Variants in LURAP1L observed in about 807,000 individuals in gnomAD.
LURAP1L encodes the protein leucine rich adaptor protein 1 like.
LURAP1L carries 12 observed loss-of-function variants against 13.8 expected under a neutral mutation model. The ratio of observed to expected loss-of-function variants is 0.87; its 90% confidence interval spans 0.56 to 1.41. LURAP1L has a LOEUF of 1.41. Among genes scored for constraint, LURAP1L ranks in the 40% most tolerant of loss-of-function variants. The probability of loss-of-function intolerance (pLI) is 0.00; values close to 1 mark genes in which losing one functional copy is unlikely to be tolerated. For missense variants in LURAP1L, 375 were observed against 292.9 expected (o/e 1.28, Z -2.04); for synonymous variants, 139 against 119.2 (o/e 1.17, Z -1.08).
chr9:12,784,927 T>C (rs1819328711), intron 1 of LURAP1L, among the ~76,000 whole-genome samples: 1 of 152,022 alleles, frequency 6.6e-6, no homozygotes, highest in Non-Finnish European at 1.5e-5. Context: ...ACCCAAATTC[T>C]GAGTCAAAGT....
chr9:12,788,340 T>C (rs1309574050), intron 1 of LURAP1L, among the ~76,000 whole-genome samples: 2 of 151,870 alleles, frequency 1.3e-5, no homozygotes, highest in Non-Finnish European at 2.9e-5. Flanking sequence ...GGCACTCTTC[T>C]GCACTACTGC....
intron 1 of LURAP1L, among the ~76,000 whole-genome samples, chr9:12,780,710 C>T (rs559283448): frequency 2.7e-5 from 4 of 148,158 alleles, no homozygotes; most frequent in Non-Finnish European, 5.9e-5. Context: ...ACCAATGGAT[C>T]TTTTGGCATT....
At chr9:12,812,216 G>A (rs1819746258) in intron 1 of LURAP1L, among the ~76,000 whole-genome samples, 1 of 152,208 alleles carries the variant, frequency 6.6e-6, no homozygotes, top group African/African-American at 2.4e-5. Context: ...ACGTAAGGAT[G>A]TAGATACCAG....
intron 1 of LURAP1L, among the ~76,000 whole-genome samples, chr9:12,821,067 G>A (rs1463386075): frequency 6.6e-6 from 1 of 152,010 alleles, no homozygotes; most frequent in Non-Finnish European, 1.5e-5. Context: ...ACTTAATCTG[G>A]CCAAAGAGAA....
intron 1 of LURAP1L, chr9:12,790,729 G>T (rs1819429344): frequency 6.6e-6 from 1 of 150,538 alleles, no homozygotes; most frequent in Non-Finnish European, 1.5e-5. Context: ...GAAGAGTAGA[G>T]AAATGAAAGG....
intron 1 of LURAP1L, 66 bp downstream of exon 1, chr9:12,776,093 G>C: frequency 6.7e-7 from 1 of 1,497,694 alleles, no homozygotes; most frequent in Non-Finnish European, 9.2e-7. Flanking sequence ...GGCGATCTGA[G>C]AATGGGGCTG....
chr9:12,803,094 T>C (rs897918898), intron 1 of LURAP1L, among the ~76,000 whole-genome samples: 1 of 152,240 alleles, frequency 6.6e-6, no homozygotes, highest in Admixed American at 6.5e-5. Flanking sequence ...CATATGTTTA[T>C]TGCTTTTCCA....
chr9:12,809,920 T>C (rs187020548), intron 1 of LURAP1L, among the ~76,000 whole-genome samples: 2 of 152,314 alleles, frequency 1.3e-5, no homozygotes, highest in Non-Finnish European at 2.9e-5. Flanking sequence ...TGTAATCCCC[T>C]GTTATTATAC....
rs561348248 is a variant in LURAP1L, at chr9:12,775,612, C to T, written c.-104C>T. Reference sequence around the variant, plus strand: ...ACACCGGAGCGGCGGAGGATAGAGACCCTGGCCCCCGGAGAGGTCTGCTGA... The same window carrying T: ...ACACCGGAGCGGCGGAGGATAGAGATCCTGGCCCCCGGAGAGGTCTGCTGA... On this transcript the variant is annotated 5_prime_UTR_variant, in exon 1 of 2. Transcript: ENST00000319264. 6.1e-6 allele frequency: 9 copies of T among 1,463,638 alleles called. No homozygotes were observed. In the African/African-American group the frequency reaches 1.1e-4, roughly 18 times the overall value. 90.7% of individuals were successfully genotyped at this position (1,463,638 alleles called of 1,614,324 possible). A position where few individuals can be genotyped will look rare whatever the true frequency, so the allele number is the denominator to read the frequency against.
chr9:12,822,606 T>C lies in LURAP1L; in HGVS notation c.*846T>C, dbSNP rs1012863798. ...ACTTAGATGCATACAAGCCGATGGA[T>C]AGAAAGACAGATAAATATCCCGATA... On this transcript the variant is annotated 3_prime_UTR_variant, in exon 2 of 2. Transcript: ENST00000319264. 6.6e-6 allele frequency among the ~76,000 whole-genome samples: 1 copy of C among 152,178 alleles called. No individual in the cohort carries two copies. The highest frequency in any genetic ancestry group is 2.1e-4 in the South Asian group (1 of 4,836).
chr9:12,790,347 T>C (rs1314368596), intron 1 of LURAP1L, among the ~76,000 whole-genome samples: 1 of 152,182 alleles, frequency 6.6e-6, no homozygotes, highest in African/African-American at 2.4e-5. Context: ...GGCCAATTAT[T>C]GAGGGACTAA....
intron 1 of LURAP1L, among the ~76,000 whole-genome samples, chr9:12,799,745 G>A (rs974684802): frequency 2.6e-5 from 4 of 152,030 alleles, no homozygotes; most frequent in African/African-American, 9.7e-5. Flanking sequence ...CAGGTGGCAG[G>A]CGTCTGTAGC....
chr9:12,820,087 C>T (rs1170302474), intron 1 of LURAP1L, among the ~76,000 whole-genome samples: 1 of 152,142 alleles, frequency 6.6e-6, no homozygotes, highest in Non-Finnish European at 1.5e-5. Flanking sequence ...CTTACAGCAC[C>T]ACCTCCCCAA....
intron 1 of LURAP1L, among the ~76,000 whole-genome samples, chr9:12,818,392 A>G (rs184475004): frequency 1.3e-5 from 2 of 152,320 alleles, no homozygotes; most frequent in Admixed American, 1.3e-4. Flanking sequence ...ACAGTTCCTA[A>G]AATTATGGCT....
chr9:12,799,640 G>C (rs755201891), intron 1 of LURAP1L, among the ~76,000 whole-genome samples: 1 of 152,106 alleles, frequency 6.6e-6, no homozygotes, highest in Non-Finnish European at 1.5e-5. Context: ...CAGCACTTTG[G>C]GAGGCCGAGG....
intron 1 of LURAP1L, among the ~76,000 whole-genome samples, chr9:12,785,710 T>C (rs1285579516): frequency 2.6e-5 from 4 of 152,146 alleles, no homozygotes; most frequent in Non-Finnish European, 5.9e-5. Flanking sequence ...CAGATATTCT[T>C]CTCTCTCTGC....
intron 1 of LURAP1L, among the ~76,000 whole-genome samples, chr9:12,787,329 G>A (rs1819370622): frequency 6.6e-6 from 1 of 151,878 alleles, no homozygotes; most frequent in South Asian, 2.1e-4. Flanking sequence ...CATTTGTATA[G>A]GTATATATAT....
intron 1 of LURAP1L, among the ~76,000 whole-genome samples, chr9:12,807,957 A>C (rs2118529390): frequency 6.6e-6 from 1 of 152,212 alleles, no homozygotes; most frequent in Non-Finnish European, 1.5e-5. Context: ...ATATTATACC[A>C]CATCATGGTA....
chr9:12,795,343 T>C (rs924973097), intron 1 of LURAP1L, among the ~76,000 whole-genome samples: 4 of 152,070 alleles, frequency 2.6e-5, no homozygotes, highest in African/African-American at 9.7e-5. Flanking sequence ...ATTCCATCTT[T>C]AATGTTTAGC....
Sources: allele counts gnomAD v4.1 joint callset (sites outside exome capture counted in the v4.1 genomes callset), GRCh38; gene constraint gnomAD v4.1.1; transcripts MANE v1.5; gene names NCBI Gene and HGNC (gene_info 2026-07-23, HGNC 2026-07-21).